Variants in RCAN1 observed in about 807,000 individuals in gnomAD.
RCAN1 encodes the protein regulator of calcineurin 1.
In RCAN1, 11 loss-of-function variants were observed where a neutral mutation model predicts 22.9. The observed-to-expected ratio is 0.48, with a 90% CI of 0.30 to 0.79. RCAN1 has a LOEUF of 0.79. Ranked by LOEUF, RCAN1 falls within the 30% of genes least tolerant of loss-of-function variation. RCAN1 has a pLI of 0.06. For missense variants in RCAN1, 291 were observed against 337.8 expected, an observed-to-expected ratio of 0.86 and a Z score of 1.09; for synonymous variants, 136 against 142.3, an observed-to-expected ratio of 0.96 and a Z score of 0.32.
chr21:34,543,591 A>G (rs1029371454), intron 1 of RCAN1, among the ~76,000 whole-genome samples: 3 of 152,248 alleles, frequency 2.0e-5, no homozygotes, highest in Non-Finnish European at 4.4e-5. Context: ...TTACATCAGC[A>G]ACAGGAAGCA....
At chr21:34,599,959 T>C (rs1474756024) in intron 1 of RCAN1, among the ~76,000 whole-genome samples, 2 of 152,128 alleles carry the variant, frequency 1.3e-5, no homozygotes, top group South Asian at 2.1e-4. Context: ...TAAGTCAGCT[T>C]GTAATGGCTG....
At chr21:34,607,126 A>G (rs1988550255) in intron 1 of RCAN1, among the ~76,000 whole-genome samples, 2 of 152,200 alleles carry the variant, frequency 1.3e-5, no homozygotes, top group Admixed American at 6.5e-5. Flanking sequence ...AACAAAAGGA[A>G]AAGTACTGGA....
At chr21:34,589,804 C>G (rs1987912706) in intron 1 of RCAN1, among the ~76,000 whole-genome samples, 1 of 152,186 alleles carries the variant, frequency 6.6e-6, no homozygotes, top group Admixed American at 6.5e-5. Context: ...ATACCACCAG[C>G]TGCCGTGGTT....
At position 34,518,046 on chromosome 21, in the gene RCAN1, T is replaced by C; in HGVS notation, c.*38A>G. On this transcript the variant is annotated 3_prime_UTR_variant, in exon 4 of 4. Transcript: ENST00000313806. This position sits in a 1 kb window ranked among gnomAD's most constrained non-coding sequence, Gnocchi z 4.2. ...CCTCCACAGTAAAAGATTCCTCCCG[T>C]GAGTATGATTTGGAATGCGTCCTCG... 2 of 1,608,350 alleles carry C rather than the reference T, an allele frequency of 1.2e-6. No individual in the cohort carries two copies. Among genetic ancestry groups the C allele is most frequent in the Non-Finnish European group, 1.7e-6 (2 of 1,176,104 alleles).
intron 3 of RCAN1, among the ~76,000 whole-genome samples, chr21:34,519,842 C>T (rs1219647983): frequency 1.3e-5 from 2 of 152,154 alleles, no homozygotes; most frequent in Non-Finnish European, 2.9e-5. Context: ...GGTACTTTTA[C>T]TGATAAGGAA....
chr21:34,540,660 T>C (rs2834514), intron 1 of RCAN1, among the ~76,000 whole-genome samples: 36,338 of 151,932 alleles, frequency 0.24, 5,044 homozygotes, highest in African/African-American at 0.38. Flanking sequence ...CTTAGAGATA[T>C]AAAGATGAGG....
intron 1 of RCAN1, among the ~76,000 whole-genome samples, chr21:34,593,907 G>T (rs142401654): frequency 6.6e-6 from 1 of 152,234 alleles, no homozygotes; most frequent in East Asian, 1.9e-4. Flanking sequence ...TCTATAATAC[G>T]TGTAAGAAAA....
intron 1 of RCAN1, among the ~76,000 whole-genome samples, chr21:34,606,284 C>T (rs1465655454): frequency 6.6e-6 from 1 of 152,176 alleles, no homozygotes; most frequent in Non-Finnish European, 1.5e-5. Context: ...TCCTTCCAGC[C>T]TCTGCCGCTT....
chr21:34,537,586 A>G (rs1156950984), intron 1 of RCAN1, among the ~76,000 whole-genome samples: 2 of 151,952 alleles, frequency 1.3e-5, no homozygotes, highest in Admixed American at 6.6e-5. Context: ...TCTGTGGTCT[A>G]CTCGCCCCTC....
intron 1 of RCAN1, among the ~76,000 whole-genome samples, chr21:34,565,624 T>C (rs1037864344): frequency 2.0e-5 from 3 of 152,214 alleles, no homozygotes; most frequent in Admixed American, 6.5e-5. Flanking sequence ...TTGAACAAAC[T>C]GTTCAACAGA....
At position 34,516,518 on chromosome 21, in the gene RCAN1, T is replaced by C. The variant is rs1984050179; in HGVS notation, c.*1566A>G. 6.6e-6 allele frequency: 1 copy of C among 152,216 alleles called. No individual in the cohort carries two copies. Among genetic ancestry groups the C allele is most frequent in the South Asian group, 2.1e-4 (1 of 4,834 alleles). The allele number at this position is 152,216 out of a possible 1,614,324, so 9.4% of individuals were successfully genotyped here. A position where few individuals can be genotyped will look rare whatever the true frequency, so the allele number is the denominator to read the frequency against. On this transcript the variant is annotated 3_prime_UTR_variant, in exon 4 of 4. Coordinates refer to ENST00000313806, the MANE Select transcript of RCAN1 (RefSeq NM_004414.7). ...AGGAGCATACTGTGCCCATTTATTA[T>C]AGAATGCAGTTAAAAAAAATATTTT...
intron 1 of RCAN1, among the ~76,000 whole-genome samples, chr21:34,570,938 A>C (rs975044207): frequency 3.9e-5 from 6 of 152,184 alleles, no homozygotes; most frequent in Admixed American, 3.3e-4. Context: ...ATTCACAAAA[A>C]TTAACCATGA....
At chr21:34,521,989 G>A (rs1320779842) in intron 2 of RCAN1, 8 of 231,778 alleles carry the variant, frequency 3.5e-5, no homozygotes, top group African/African-American at 1.4e-4. Context: ...CTGTCATTGA[G>A]GTCAGGAGGG....
intron 1 of RCAN1, among the ~76,000 whole-genome samples, chr21:34,567,260 C>T (rs751127250): frequency 6.6e-6 from 1 of 152,190 alleles, no homozygotes; most frequent in Non-Finnish European, 1.5e-5. Flanking sequence ...CTTTGGGAGG[C>T]CAAGGCGGGA....
chr21:34,565,808 G>A (rs1296583544), intron 1 of RCAN1, among the ~76,000 whole-genome samples: 1 of 152,146 alleles, frequency 6.6e-6, no homozygotes, highest in African/African-American at 2.4e-5. Context: ...ACAAAGAGCT[G>A]GTATACCTTG....
intron 1 of RCAN1, among the ~76,000 whole-genome samples, chr21:34,526,294 C>T (rs550242846): frequency 5.3e-5 from 8 of 152,162 alleles, no homozygotes; most frequent in Admixed American, 1.3e-4. Flanking sequence ...TTTCCTAAGA[C>T]GAAATGAAAT....
chr21:34,591,711 T>C (rs2058745785), intron 1 of RCAN1, among the ~76,000 whole-genome samples: 1 of 152,212 alleles, frequency 6.6e-6, no homozygotes, highest in Non-Finnish European at 1.5e-5. Flanking sequence ...GACTCTGAGA[T>C]TCTCGCATGG....
At chr21:34,564,975 G>A (rs1986949480) in intron 1 of RCAN1, among the ~76,000 whole-genome samples, 1 of 152,160 alleles carries the variant, frequency 6.6e-6, no homozygotes, top group Non-Finnish European at 1.5e-5. Flanking sequence ...CAAGACAGTA[G>A]GATTGCTTGG....
intron 1 of RCAN1, among the ~76,000 whole-genome samples, chr21:34,538,982 C>T (rs1043343551): frequency 6.6e-6 from 1 of 152,204 alleles, no homozygotes; most frequent in African/African-American, 2.4e-5. Context: ...ATGTGACAGC[C>T]TTTAAACTGA....
Sources: allele counts gnomAD v4.1 joint callset (sites outside exome capture counted in the v4.1 genomes callset), GRCh38; gene constraint gnomAD v4.1.1; non-coding constraint Gnocchi (gnomAD v3.1); transcripts MANE v1.5; gene names NCBI Gene and HGNC (gene_info 2026-07-23, HGNC 2026-07-21).